Variants in SLK observed in about 807,000 individuals in gnomAD.
SLK encodes the protein STE20 like kinase.
In SLK, 67 loss-of-function variants were observed where a neutral mutation model predicts 147.7. That is an observed-to-expected ratio of 0.45 (90% CI 0.37 to 0.56). The LOEUF (loss-of-function observed/expected upper bound fraction) is 0.56. Ranked by LOEUF, SLK falls within the 20% of genes least tolerant of loss-of-function variation. SLK has a pLI of 0.00. For synonymous variants in SLK, 441 were observed against 475.0 expected (o/e 0.93, Z 0.93); for missense variants, 1,136 against 1,438.8 (o/e 0.79, Z 3.41).
intron 12 of SLK, among the ~76,000 whole-genome samples, chr10:104,009,481 A>G (rs1362135924): frequency 6.6e-6 from 1 of 152,070 alleles, no homozygotes; most frequent in Admixed American, 6.6e-5. Context: ...ATGGTATGTG[A>G]TTTTATTTGA....
intron 18 of SLK, among the ~76,000 whole-genome samples, chr10:104,022,804 C>T (rs1467013572): frequency 3.3e-5 from 5 of 152,310 alleles, no homozygotes; most frequent in South Asian, 2.1e-4. Flanking sequence ...GACGGGGCTT[C>T]GCCATGTTGG....
intron 1 of SLK, among the ~76,000 whole-genome samples, chr10:103,980,533 T>C (rs553249849): frequency 7.2e-4 from 109 of 152,290 alleles, no homozygotes; most frequent in Admixed American, 1.8e-3. Flanking sequence ...CTTCTACTTT[T>C]TGATACCATG....
intron 1 of SLK, among the ~76,000 whole-genome samples, chr10:103,989,747 C>T (rs777927786): frequency 6.4e-4 from 98 of 152,126 alleles, no homozygotes; most frequent in Middle Eastern, 3.2e-3. Context: ...GGATTACAGG[C>T]GTGAGCCACC....
intron 7 of SLK, among the ~76,000 whole-genome samples, chr10:104,000,186 T>C (rs1013557095): frequency 2.6e-5 from 4 of 152,196 alleles, no homozygotes; most frequent in African/African-American, 9.7e-5. Context: ...TGGTAGTTAT[T>C]TCCATTATGT....
chr10:103,992,716 T>C (rs1589532847), intron 3 of SLK, 70 bp downstream of exon 3: 1 of 1,351,920 alleles, frequency 7.4e-7, no homozygotes, highest in Non-Finnish European at 1.0e-6. Flanking sequence ...ATTTCAACCA[T>C]ATATAAATAT....
At chr10:104,023,438 T>G (rs1844560384) in intron 18 of SLK, among the ~76,000 whole-genome samples, 1 of 152,224 alleles carries the variant, frequency 6.6e-6, no homozygotes, top group South Asian at 2.1e-4. Flanking sequence ...TCACTTACCA[T>G]TTCTAGGCCT....
At chr10:104,006,103 C>T in intron 11 of SLK, 68 bp downstream of exon 11, 1 of 1,458,732 alleles carries the variant, frequency 6.9e-7, no homozygotes, top group Non-Finnish European at 9.3e-7. Context: ...GCATTAAAAA[C>T]AGACAAACAA....
Position 104,005,641 on chromosome 10 carries a change from A to C in SLK, c.2430A>C (p.Ser810=). The change falls in exon 10 of 19, where the codon TCA becomes TCC. Residue 810 remains serine, a synonymous_variant. Coordinates refer to ENST00000369755, the MANE Select transcript of SLK (RefSeq NM_014720.4). Reference sequence around the variant, plus strand: ...GTGTAGAAGTGAGTGTAACAACATCAAAGATAGTTACAGATAGTGATTCCA... The same window carrying C: ...GTGTAGAAGTGAGTGTAACAACATCCAAGATAGTTACAGATAGTGATTCCA... ...VDGVEVSVTT[S]KIVTDSDSKT... 1.2e-6 allele frequency: 2 copies of C among 1,608,682 alleles called. No individual in the cohort carries two copies. Among genetic ancestry groups the C allele is most frequent in the South Asian group, 2.2e-5 (2 of 90,138 alleles).
At chr10:103,995,517 C>G (rs1412278345) in intron 4 of SLK, among the ~76,000 whole-genome samples, 3 of 148,880 alleles carry the variant, frequency 2.0e-5, no homozygotes, top group African/African-American at 7.5e-5. Flanking sequence ...ACCCCCACCT[C>G]CTGGGTTCAA....
intron 2 of SLK, among the ~76,000 whole-genome samples, chr10:103,992,328 A>T (rs1439283723): frequency 6.6e-6 from 1 of 151,970 alleles, no homozygotes; most frequent in Admixed American, 6.6e-5. Context: ...CAAATGAAAA[A>T]GTTCTGTACC....
chr10:103,984,407 T>C (rs1240495299), intron 1 of SLK, among the ~76,000 whole-genome samples: 1 of 152,112 alleles, frequency 6.6e-6, no homozygotes, highest in Admixed American at 6.6e-5. Flanking sequence ...CATACCCCAT[T>C]TCCTCATCTT....
chr10:103,983,636 G>A (rs765355432), intron 1 of SLK, among the ~76,000 whole-genome samples: 1 of 150,326 alleles, frequency 6.7e-6, no homozygotes, highest in Non-Finnish European at 1.5e-5. Flanking sequence ...CTTCCTGTCT[G>A]CTTGTTACTT....
chr10:103,990,546 T>G, intron 1 of SLK, 129 bp from the exon 2 acceptor site: 1 of 520,608 alleles, frequency 1.9e-6, no homozygotes, highest in Non-Finnish European at 3.2e-6. Context: ...CTTGACACAC[T>G]ATTTTTAAAA....
At position 104,008,289 on chromosome 10, in the gene SLK, G is replaced by A. The variant is rs538854223; in HGVS notation, c.2717G>A (p.Arg906His). ...HTNRLRDEAK[R>H]IKGEQEKELS... ...AATCGCTTGCGAGATGAAGCCAAACGCATCAAAGGAGAACAAGAGAAAGAG... is the reference window on the plus strand; with the variant it reads ...AATCGCTTGCGAGATGAAGCCAAACACATCAAAGGAGAACAAGAGAAAGAG... The change falls in exon 12 of 19, where the codon CGC (arginine) becomes CAC (histidine). Residue 906 changes from arginine (R) to histidine (H), a missense_variant. Transcript: ENST00000369755. The A allele has an allele frequency of 1.9e-5, 31 of 1,613,718 alleles. No homozygotes were observed. The highest frequency in any genetic ancestry group is 4.5e-5 in the East Asian group (2 of 44,872).
At position 103,999,921 on chromosome 10, in the gene SLK, C is replaced by T. The variant is rs1439838556; in HGVS notation, c.837C>T (p.Ala279=). The change falls in exon 7 of 19, where the codon GCC becomes GCT. Residue 279 remains alanine, a synonymous_variant. Coordinates refer to ENST00000369755, the MANE Select transcript of SLK (RefSeq NM_014720.4). Reference sequence around the variant, plus strand: ...AATGCTTAGAAAAGAATGTGGATGCCAGGTGGACTACATCTCAGCTGCTGC... The same window carrying T: ...AATGCTTAGAAAAGAATGTGGATGCTAGGTGGACTACATCTCAGCTGCTGC... ...LKKCLEKNVD[A]RWTTSQLLQH... is the part of the protein sequence containing the mutation. The T allele has an allele frequency of 6.4e-7, 1 of 1,555,716 alleles. No individual in the cohort carries two copies. The highest frequency in any genetic ancestry group is 8.8e-7 in the Non-Finnish European group (1 of 1,136,888).
chr10:104,001,881 A>G (rs1844252851), intron 8 of SLK, among the ~76,000 whole-genome samples: 1 of 151,858 alleles, frequency 6.6e-6, no homozygotes, highest in African/African-American at 2.4e-5. Flanking sequence ...ACACCCAACT[A>G]ATTTTTGTAT....
intron 2 of SLK, 126 bp from the exon 3 acceptor site, chr10:103,992,472 G>A (rs1329125399): frequency 1.2e-5 from 10 of 828,916 alleles, no homozygotes; most frequent in Non-Finnish European, 1.6e-5. Context: ...TTAGTATATC[G>A]TTTCCATAAC....
At chr10:104,023,989 C>T (rs1302944711) in intron 18 of SLK, among the ~76,000 whole-genome samples, 2 of 152,144 alleles carry the variant, frequency 1.3e-5, no homozygotes, top group Non-Finnish European at 2.9e-5. Context: ...CCACTCACTG[C>T]AGGCCCACTC....
chr10:104,006,993 C>G (rs934146647), intron 11 of SLK, among the ~76,000 whole-genome samples: 3 of 152,048 alleles, frequency 2.0e-5, no homozygotes, highest in African/African-American at 4.8e-5. Flanking sequence ...AACAGTGTTA[C>G]TGAGTGTTAT....
Sources: allele counts gnomAD v4.1 joint callset (sites outside exome capture counted in the v4.1 genomes callset), GRCh38; gene constraint gnomAD v4.1.1; transcripts MANE v1.5; gene names NCBI Gene and HGNC (gene_info 2026-07-23, HGNC 2026-07-21).